The following AGO1 variants were observed in gnomAD, a reference collection of about 807,000 sequenced individuals.
AGO1 encodes the protein argonaute RISC component 1.
AGO1 carries 11 observed loss-of-function variants against 109.2 expected under a neutral mutation model. The observed-to-expected ratio is 0.10, with a 90% CI of 0.06 to 0.17. AGO1 has a LOEUF of 0.17. Ranked by LOEUF, AGO1 falls within the 10% of genes least tolerant of loss-of-function variation. AGO1 has a pLI of 1.00. For missense variants in AGO1, 574 were observed against 1,140.3 expected (o/e 0.50, Z 7.15); for synonymous variants, 422 against 418.6 (o/e 1.01, Z -0.10).
intron 14 of AGO1, among the ~76,000 whole-genome samples, chr1:35,915,067 A>G (rs1280357329): frequency 1.3e-5 from 2 of 152,180 alleles, no homozygotes; most frequent in African/African-American, 4.8e-5. Context: ...CAGTTTATCA[A>G]GTACCTACTG....
Position 35,901,407 on chromosome 1 carries a change from T to C in AGO1, c.1021-67T>C. ...TGACAGCCAAGGTATCTTTCCTTATTGTGGGGCTCTGGGTACAGGGTGGAC... is the reference window on the plus strand; with the variant it reads ...TGACAGCCAAGGTATCTTTCCTTATCGTGGGGCTCTGGGTACAGGGTGGAC... On this transcript the variant is annotated intron_variant, in intron 8 of 18. Coordinates refer to ENST00000373204, the MANE Select transcript of AGO1 (RefSeq NM_012199.5). The surrounding 1 kb of genome is among the most constrained non-coding windows in gnomAD (Gnocchi z 4.8). 1 of 1,595,926 alleles carries C rather than the reference T, an allele frequency of 6.3e-7. No individual in the cohort carries two copies. The highest frequency in any genetic ancestry group is 1.7e-5 in the Admixed American group (1 of 57,292).
At chr1:35,913,745 T>C (rs756899281) in intron 12 of AGO1, 97 bp from the exon 13 acceptor site, 1 of 1,277,752 alleles carries the variant, frequency 7.8e-7, no homozygotes, top group South Asian at 1.4e-5. Flanking sequence ...TTCCTGTCAT[T>C]ATTGTGTTCC....
intron 11 of AGO1, among the ~76,000 whole-genome samples, chr1:35,902,999 C>CTTTT (rs899277604): frequency 2.8e-5 from 3 of 108,796 alleles, no homozygotes; most frequent in Admixed American, 9.5e-5. Context: ...CACCTGGAGT[C>CTTTT]TTTTTTTTTT....
chr1:35,906,836 A>G (rs954257883), intron 11 of AGO1, 99 bp from the exon 12 acceptor site: 1 of 930,064 alleles, frequency 1.1e-6, no homozygotes. Context: ...CCAATCTCTC[A>G]GTGCCTCTTA....
intron 17 of AGO1, 31 bp downstream of exon 17, chr1:35,918,454 G>A (rs1645773769): frequency 2.0e-6 from 3 of 1,523,250 alleles, no homozygotes; most frequent in South Asian, 2.2e-5. Flanking sequence ...GGTTCCAATG[G>A]GTCAAAGATG....
At chr1:35,890,744 A>G (rs1645202841) in intron 2 of AGO1, among the ~76,000 whole-genome samples, 2 of 152,174 alleles carry the variant, frequency 1.3e-5, no homozygotes, top group Admixed American at 1.3e-4. Context: ...AGTTGTATCA[A>G]CTTATACTCC....
Position 35,902,009 on chromosome 1 carries a change from A to C in AGO1, c.1202A>C (p.Asp401Ala), listed in dbSNP as rs780911842. The C allele has an allele frequency of 5.0e-6, 8 of 1,611,912 alleles. No homozygotes were observed. Among genetic ancestry groups the C allele is most frequent in the Non-Finnish European group, 8.5e-7 (1 of 1,179,072 alleles). Reference protein sequence around the residue: ...YIQEFGIKVKDDMTEVTGRVL... With the variant: ...YIQEFGIKVKADMTEVTGRVL... ...CAGGAATTTGGGATCAAAGTGAAGG[A>C]TGACATGACGGAGGTGACAGGGCGA... is the stretch of plus-strand genomic sequence containing the variant. Residue 401 changes from aspartate (D) to alanine (A), a missense_variant, in exon 10 of 19, where the codon GAT becomes GCT. Around this residue, in one of 8 missense-constraint regions of AGO1, gnomAD observed 106 missense variants for 147.8 expected, o/e 0.72. Coordinates refer to ENST00000373204, the MANE Select transcript of AGO1 (RefSeq NM_012199.5).
chr1:35,911,312 T>C (rs962231059), intron 12 of AGO1, among the ~76,000 whole-genome samples: 11 of 152,246 alleles, frequency 7.2e-5, no homozygotes, highest in Admixed American at 6.5e-5. Flanking sequence ...AAGTGTTTTT[T>C]TGAATGATTT....
chr1:35,899,406 A>G (rs1645376626), intron 8 of AGO1, among the ~76,000 whole-genome samples: 1 of 152,228 alleles, frequency 6.6e-6, no homozygotes, highest in Non-Finnish European at 1.5e-5. Flanking sequence ...GTACATACCC[A>G]GAAGCAGAAT....
intron 1 of AGO1, among the ~76,000 whole-genome samples, chr1:35,876,271 G>GTTTT (rs547889113): frequency 7.0e-6 from 1 of 142,544 alleles, no homozygotes; most frequent in Non-Finnish European, 1.5e-5. Context: ...TTTGTTTTTT[G>GTTTT]TTTTTTTTTT....
At position 35,883,280 on chromosome 1, in the gene AGO1, G is replaced by A; in HGVS notation, c.-142G>A. The A allele has an allele frequency of 1.1e-5, 15 of 1,408,054 alleles. No individual in the cohort carries two copies. The highest frequency in any genetic ancestry group is 1.4e-5 in the Non-Finnish European group (15 of 1,081,282). The allele number at this position is 1,408,054 out of a possible 1,614,324, so 87.2% of individuals were successfully genotyped here. A position where few individuals can be genotyped will look rare whatever the true frequency, so the allele number is the denominator to read the frequency against. ...GCGGCGGCGGCAACGGAGGCTGCGG[G>A]GGCGGCGGCGCGAGCGGCCGGGCTT... is the stretch of plus-strand genomic sequence containing the variant. On this transcript the variant is annotated 5_prime_UTR_variant, in exon 1 of 19. Coordinates refer to ENST00000373204, the MANE Select transcript of AGO1 (RefSeq NM_012199.5). The surrounding 1 kb of genome is among the most constrained non-coding windows in gnomAD (Gnocchi z 5.4).
At chr1:35,870,795 C>G (rs1644943587) in intron 1 of AGO1, among the ~76,000 whole-genome samples, 1 of 152,130 alleles carries the variant, frequency 6.6e-6, no homozygotes, top group African/African-American at 2.4e-5. Context: ...TGAGTTTACC[C>G]TTGCTTTTTC....
Position 35,883,417 on chromosome 1 carries a change from A to G in AGO1, c.-5A>G. On this transcript the variant is annotated 5_prime_UTR_variant, in exon 1 of 19. In the 5' UTR this introduces an upstream ATG that the reference lacks. Coordinates refer to ENST00000373204, the MANE Select transcript of AGO1 (RefSeq NM_012199.5). This position sits in a 1 kb window ranked among gnomAD's most constrained non-coding sequence, Gnocchi z 5.4. Reference sequence around the variant, plus strand: ...GGCCGCCTGACCTCCGCACGGGTATATGGGATGGAAGCGGGACCCTCGGGA... The same window carrying G: ...GGCCGCCTGACCTCCGCACGGGTATGTGGGATGGAAGCGGGACCCTCGGGA... 6.3e-7 allele frequency: 1 copy of G among 1,576,848 alleles called. No individual in the cohort carries two copies. Among genetic ancestry groups the G allele is most frequent in the South Asian group, 1.1e-5 (1 of 87,980 alleles).
rs1645251932 is a variant in AGO1 at position 35,893,109 on chromosome 1, G to A, written c.343G>A (p.Val115Met). ...PIGNERVDFE[V>M]TIPGEGKDRI... ...CACCCTCCTGAAGGTCGACTTTGAG[G>A]TGACAATCCCTGGGGAAGGGAAGGA... is the stretch of plus-strand genomic sequence containing the variant. Residue 115 changes from valine (V) to methionine (M), a missense_variant, in exon 4 of 19, where the codon GTG becomes ATG. By Grantham distance (21) the Val-to-Met change is conservative (BLOSUM62 1). Coordinates refer to ENST00000373204, the MANE Select transcript of AGO1 (RefSeq NM_012199.5). This position sits in a 1 kb window ranked among gnomAD's most constrained non-coding sequence, Gnocchi z 5.6. 6.2e-7 allele frequency: 1 copy of A among 1,613,994 alleles called. No individual in the cohort carries two copies. The highest frequency in any genetic ancestry group is 8.5e-7 in the Non-Finnish European group (1 of 1,179,944).
chr1:35,915,290 A>T, intron 14 of AGO1, 58 bp from the exon 15 acceptor site: 1 of 1,529,902 alleles, frequency 6.5e-7, no homozygotes, highest in Non-Finnish European at 9.0e-7. Flanking sequence ...CCACAAACCC[A>T]TAGCCTGACA....
Position 35,907,077 on chromosome 1 carries a change from C to G in AGO1, c.1540C>G (p.Gln514Glu). ...TCTCAAGAACACCTACTCAGGGCTG[C>G]AGCTCATTATTGTCATCCTGCCAGG... The part of the protein sequence containing the change: ...RHLKNTYSGL[Q>E]LIIVILPGKT... The change falls in exon 12 of 19, where the codon CAG (glutamine) becomes GAG (glutamate). Residue 514 changes from glutamine to glutamate, a missense_variant. Coordinates refer to ENST00000373204, the MANE Select transcript of AGO1 (RefSeq NM_012199.5). 6.2e-7 allele frequency: 1 copy of G among 1,613,940 alleles called. No individual in the cohort carries two copies. Among genetic ancestry groups the G allele is most frequent in the Non-Finnish European group, 8.5e-7 (1 of 1,179,938 alleles).
In AGO1 at chr1:35,930,402, G is replaced by A. The variant is rs550254208; in HGVS notation, c.*10795G>A. The A allele has an allele frequency of 6.6e-6, 1 of 152,336 alleles. No homozygotes were observed. Among genetic ancestry groups the A allele is most frequent in the African/African-American group, 2.4e-5 (1 of 41,562 alleles). The allele number at this position is 152,336 out of a possible 1,614,324, so 9.4% of individuals were successfully genotyped here. The stretch of plus-strand genomic sequence containing the variant: ...GAAAAAAGCAGCGGTTGGCCCGTTG[G>A]GAGAATTGGAAGCCAACCAGTATAG... On this transcript the variant is annotated 3_prime_UTR_variant, in exon 19 of 19. Coordinates refer to ENST00000373204, the MANE Select transcript of AGO1 (RefSeq NM_012199.5).
At chr1:35,917,939 C>T (rs1645764381) in intron 16 of AGO1, among the ~76,000 whole-genome samples, 1 of 152,126 alleles carries the variant, frequency 6.6e-6, no homozygotes, top group Non-Finnish European at 1.5e-5. Context: ...TCCTTTCCCT[C>T]CTCCTAGCTC....
In AGO1 at chr1:35,892,647, T is replaced by C. The variant is rs1187568812; in HGVS notation, c.300T>C (p.Thr100=). 1 of 1,614,246 alleles carries C rather than the reference T, an allele frequency of 6.2e-7. No individual in the cohort carries two copies. Among genetic ancestry groups the C allele is most frequent in the Non-Finnish European group, 8.5e-7 (1 of 1,180,030 alleles). The part of the protein sequence containing the change: ...PVYDGKKNIY[T]VTALPIGNER... ...ATGATGGAAAGAAGAACATTTACACTGTCACAGCACTGCCCATTGGCAACG... is the reference window on the plus strand; with the variant it reads ...ATGATGGAAAGAAGAACATTTACACCGTCACAGCACTGCCCATTGGCAACG... The change falls in exon 3 of 19, where the codon ACT becomes ACC. Residue 100 remains threonine (T), a synonymous_variant. Coordinates refer to ENST00000373204, the MANE Select transcript of AGO1 (RefSeq NM_012199.5).
Sources: allele counts gnomAD v4.1 joint callset (sites outside exome capture counted in the v4.1 genomes callset), GRCh38; gene constraint gnomAD v4.1.1; regional missense constraint gnomAD v4.1.1; non-coding constraint Gnocchi (gnomAD v3.1); transcripts MANE v1.5; gene names NCBI Gene and HGNC (gene_info 2026-07-23, HGNC 2026-07-21).